PKNOX2: variants seen among roughly 807,000 people sequenced by gnomAD.
PKNOX2 encodes homeobox protein PKNOX2.
PKNOX2 carries 14 observed loss-of-function variants against 53.1 expected under a neutral mutation model. The ratio of observed to expected loss-of-function variants is 0.26; its 90% CI spans 0.17 to 0.41. PKNOX2 has a LOEUF of 0.41. Among genes scored for constraint, PKNOX2 ranks in the 10% least tolerant of loss-of-function variants. The probability of loss-of-function intolerance (pLI) is 1.00; values close to 1 mark genes in which losing one functional copy is unlikely to be tolerated. For missense variants in PKNOX2, 496 were observed against 602.8 expected, an observed-to-expected ratio of 0.82 and a Z score of 1.85; for synonymous variants, 257 against 242.8, an observed-to-expected ratio of 1.06 and a Z score of -0.54.
At chr11:125,430,205 T>A in intron 12 of PKNOX2, 64 bp downstream of exon 12, 1 of 1,552,414 alleles carries the variant, frequency 6.4e-7, no homozygotes. Flanking sequence ...CTTCTTCAGG[T>A]CAAGCCGTGC....
chr11:125,223,606 A>G (rs1369751844), intron 1 of PKNOX2, among the ~76,000 whole-genome samples: 3 of 152,222 alleles, frequency 2.0e-5, no homozygotes, highest in Non-Finnish European at 2.9e-5. Flanking sequence ...GTAAAACCAG[A>G]GTAACGAAGC....
intron 2 of PKNOX2, among the ~76,000 whole-genome samples, chr11:125,285,394 C>G (rs972453128): frequency 2.6e-4 from 39 of 152,176 alleles, no homozygotes; most frequent in African/African-American, 8.9e-4. Flanking sequence ...AGAGAAGGCA[C>G]AGTTCATAGA....
chr11:125,232,285 A>G (rs1942273982), intron 1 of PKNOX2, among the ~76,000 whole-genome samples: 1 of 152,214 alleles, frequency 6.6e-6, no homozygotes, highest in Non-Finnish European at 1.5e-5. Context: ...TTTTTCTACC[A>G]TATCTTCTGC....
chr11:125,263,465 G>A (rs1291097426), intron 2 of PKNOX2, among the ~76,000 whole-genome samples: 1 of 152,242 alleles, frequency 6.6e-6, no homozygotes, highest in Admixed American at 6.5e-5. Flanking sequence ...CCAGCTGCTG[G>A]CATCCCTGCT....
At chr11:125,238,512 C>T (rs1261197938) in intron 2 of PKNOX2, among the ~76,000 whole-genome samples, 1 of 152,196 alleles carries the variant, frequency 6.6e-6, no homozygotes, top group Non-Finnish European at 1.5e-5. Context: ...TGAAATTCAA[C>T]TAAGGACTCT....
chr11:125,196,539 G>T (rs1235305813), intron 1 of PKNOX2, among the ~76,000 whole-genome samples: 1 of 152,160 alleles, frequency 6.6e-6, no homozygotes, highest in Non-Finnish European at 1.5e-5. Flanking sequence ...ATGGGACAAG[G>T]GTGGAAGGGC....
At chr11:125,278,684 A>C (rs1227520522) in intron 2 of PKNOX2, among the ~76,000 whole-genome samples, 2 of 152,192 alleles carry the variant, frequency 1.3e-5, no homozygotes, top group African/African-American at 2.4e-5. Context: ...GGGGTGGTGG[A>C]CACAGCCCAT....
chr11:125,257,236 C>G (rs907621067), intron 2 of PKNOX2, among the ~76,000 whole-genome samples: 1 of 152,210 alleles, frequency 6.6e-6, no homozygotes. Context: ...AGAGGAATCC[C>G]TGCTCCTTTT....
chr11:125,404,932 A>G (rs910042106), intron 7 of PKNOX2, among the ~76,000 whole-genome samples: 7 of 152,180 alleles, frequency 4.6e-5, no homozygotes, highest in Non-Finnish European at 8.8e-5. Context: ...TTCCAGCAGA[A>G]AGGAGACATT....
intron 4 of PKNOX2, among the ~76,000 whole-genome samples, chr11:125,359,597 G>C (rs1951813641): frequency 6.6e-6 from 1 of 152,194 alleles, no homozygotes; most frequent in South Asian, 2.1e-4. Flanking sequence ...CAGACTTGAT[G>C]TTTACCAAGT....
intron 2 of PKNOX2, among the ~76,000 whole-genome samples, chr11:125,292,333 A>T (rs1344669004): frequency 6.6e-6 from 1 of 152,164 alleles, no homozygotes; most frequent in Non-Finnish European, 1.5e-5. Flanking sequence ...TGTACATGTA[A>T]ATCAGAAAGT....
chr11:125,285,036 G>T (rs1030188901), intron 2 of PKNOX2, among the ~76,000 whole-genome samples: 1 of 152,090 alleles, frequency 6.6e-6, no homozygotes, highest in African/African-American at 2.4e-5. Flanking sequence ...TTGCCACATA[G>T]CAGAGAAGGG....
At chr11:125,345,581 C>T (rs1162637331) in intron 3 of PKNOX2, among the ~76,000 whole-genome samples, 1 of 152,186 alleles carries the variant, frequency 6.6e-6, no homozygotes, top group Non-Finnish European at 1.5e-5. Flanking sequence ...CACGCCTTTG[C>T]TTCTTTAGAT....
At chr11:125,408,103 G>A (rs1181441228) in intron 7 of PKNOX2, among the ~76,000 whole-genome samples, 1 of 152,082 alleles carries the variant, frequency 6.6e-6, no homozygotes, top group Non-Finnish European at 1.5e-5. Context: ...CCGGTGTAGG[G>A]GGCATTTGTG....
chr11:125,278,624 C>A (rs1315598167), intron 2 of PKNOX2, among the ~76,000 whole-genome samples: 1 of 150,558 alleles, frequency 6.6e-6, no homozygotes, highest in Admixed American at 6.6e-5. Flanking sequence ...CAGTTGAAGA[C>A]CGAGGGAGGG....
chr11:125,375,024 A>C (rs1952759013), intron 5 of PKNOX2, among the ~76,000 whole-genome samples: 1 of 152,132 alleles, frequency 6.6e-6, no homozygotes, highest in South Asian at 2.1e-4. Flanking sequence ...GGCCTGAGCT[A>C]AGCCAGCTTC....
chr11:125,300,631 G>A (rs1947989896), intron 2 of PKNOX2, among the ~76,000 whole-genome samples: 1 of 152,122 alleles, frequency 6.6e-6, no homozygotes, highest in Admixed American at 6.5e-5. Flanking sequence ...CAGAAACAGA[G>A]AGAGACAGAG....
chr11:125,246,832 G>A (rs1434862774), intron 2 of PKNOX2, among the ~76,000 whole-genome samples: 6 of 152,124 alleles, frequency 3.9e-5, no homozygotes, highest in Non-Finnish European at 7.4e-5. Context: ...GCATTAGGGA[G>A]GCTGTGGAGA....
At chr11:125,218,410 G>C (rs776186869) in intron 1 of PKNOX2, among the ~76,000 whole-genome samples, 11 of 151,360 alleles carry the variant, frequency 7.3e-5, no homozygotes, top group Non-Finnish European at 1.0e-4. Flanking sequence ...GCAGTGATGG[G>C]GGGGGGACAG....
Sources: gnomAD v4.1 joint callset for allele counts (sites outside exome capture counted in the v4.1 genomes callset) on GRCh38, gnomAD v4.1.1 for gene constraint, MANE v1.5 for transcripts, NCBI Gene and HGNC (gene_info 2026-07-23, HGNC 2026-07-21) for gene names.